ZZZ3: variants seen among roughly 807,000 people sequenced by gnomAD.
The protein encoded by ZZZ3 is zinc finger ZZ-type containing 3.
A neutral mutation model predicts 95.2 loss-of-function variants in ZZZ3; 22 were observed. The ratio of observed to expected loss-of-function variants is 0.23; its 90% confidence interval spans 0.17 to 0.33. The LOEUF (loss-of-function observed/expected upper bound fraction) is 0.33. ZZZ3 is among the 10% of genes least tolerant of loss of function. The pLI, the probability that ZZZ3 is intolerant of heterozygous loss-of-function variation, is 1.00. For synonymous variants in ZZZ3, 335 were observed against 358.9 expected (o/e 0.93, Z 0.75); for missense variants, 885 against 1,066.5 (o/e 0.83, Z 2.37).
intron 5 of ZZZ3, among the ~76,000 whole-genome samples, chr1:77,626,517 C>T (rs1305973427): frequency 6.6e-6 from 1 of 152,126 alleles, no homozygotes; most frequent in African/African-American, 2.4e-5. Context: ...CCCTCACATG[C>T]ATGGTTCACA....
intron 10 of ZZZ3, 114 bp downstream of exon 10, chr1:77,579,413 G>A: frequency 1.3e-6 from 1 of 756,942 alleles, no homozygotes; most frequent in Non-Finnish European, 2.2e-6. Flanking sequence ...ACATACTACA[G>A]CACTCTGTAG....
At chr1:77,674,328 T>C (rs1166114536) in intron 1 of ZZZ3, among the ~76,000 whole-genome samples, 1 of 152,040 alleles carries the variant, frequency 6.6e-6, no homozygotes, top group Non-Finnish European at 1.5e-5. Flanking sequence ...CTCACAAACA[T>C]AACATTGAGC....
chr1:77,624,633 C>G (rs971609785), intron 5 of ZZZ3, among the ~76,000 whole-genome samples: 1 of 152,150 alleles, frequency 6.6e-6, no homozygotes, highest in African/African-American at 2.4e-5. Flanking sequence ...CTTCATCTGA[C>G]TCTTCATTTG....
intron 1 of ZZZ3, among the ~76,000 whole-genome samples, chr1:77,671,745 T>C (rs371967088): frequency 6.6e-6 from 1 of 152,176 alleles, no homozygotes; most frequent in African/African-American, 2.4e-5. Flanking sequence ...CTATAAGAGT[T>C]TTTAAAATCA....
intron 1 of ZZZ3, among the ~76,000 whole-genome samples, chr1:77,651,187 C>T (rs1427266408): frequency 1.3e-5 from 2 of 152,020 alleles, no homozygotes; most frequent in East Asian, 3.9e-4. Context: ...AGTTCACGAC[C>T]AGCCTGGGCA....
At chr1:77,654,004 C>T (rs1043304039) in intron 1 of ZZZ3, among the ~76,000 whole-genome samples, 6 of 151,580 alleles carry the variant, frequency 4.0e-5, no homozygotes, top group African/African-American at 9.7e-5. Flanking sequence ...CTGGCTAACA[C>T]GGTGAAACCC....
Position 77,562,777 on chromosome 1 carries a change from A to G in ZZZ3, c.*2863T>C, listed in dbSNP as rs1206369915. On this transcript the variant is annotated 3_prime_UTR_variant, in exon 15 of 15. Transcript: ENST00000370801. ...GAAGCACACCACATCAGGAAAACAGAATGTAAGGCAACATCTGCACACCTC... is the reference window on the plus strand; with the variant it reads ...GAAGCACACCACATCAGGAAAACAGGATGTAAGGCAACATCTGCACACCTC... 6.6e-6 allele frequency: 1 copy of G among 152,354 alleles called. No homozygotes were observed. Among genetic ancestry groups the G allele is most frequent in the African/African-American group, 2.4e-5 (1 of 41,436 alleles). The allele number at this position is 152,354 out of a possible 1,614,324, so 9.4% of individuals were successfully genotyped here.
chr1:77,619,302 G>C (rs1666622504), intron 5 of ZZZ3, among the ~76,000 whole-genome samples: 1 of 151,998 alleles, frequency 6.6e-6, no homozygotes, highest in South Asian at 2.1e-4. Context: ...ACTATATGTA[G>C]GCTATCATTT....
chr1:77,632,189 C>G lies in ZZZ3; in HGVS notation c.1166G>C (p.Arg389Thr). ...RTSPRRAAPT[R>T]GSPTKNSSPY... is the part of the protein sequence containing the mutation. ...AGAACTGTTTTTAGTGGGACTACCT[C>G]TGGTAGGGGCTGCCCTTCGTGGTGA... The change falls in exon 5 of 15, where the codon AGA (arginine) becomes ACA (threonine). Residue 389 changes from arginine (R) to threonine (T), a missense_variant. Coordinates refer to ENST00000370801, the MANE Select transcript of ZZZ3 (RefSeq NM_015534.6). The G allele has an allele frequency of 6.2e-7, 1 of 1,614,010 alleles. No individual in the cohort carries two copies. Among genetic ancestry groups the G allele is most frequent in the Admixed American group, 1.7e-5 (1 of 60,002 alleles).
intron 5 of ZZZ3, among the ~76,000 whole-genome samples, chr1:77,619,723 G>A (rs979969382): frequency 4.0e-5 from 6 of 151,838 alleles, no homozygotes; most frequent in Non-Finnish European, 5.9e-5. Context: ...TAACAAACTC[G>A]GACAACTCAT....
chr1:77,617,453 C>A (rs1447813604), intron 5 of ZZZ3, among the ~76,000 whole-genome samples: 1 of 152,110 alleles, frequency 6.6e-6, no homozygotes, highest in Admixed American at 6.5e-5. Context: ...CATATTGCAG[C>A]TTCATTCCTT....
intron 4 of ZZZ3, among the ~76,000 whole-genome samples, chr1:77,633,667 C>G (rs1216955304): frequency 6.6e-6 from 1 of 152,136 alleles, no homozygotes; most frequent in Non-Finnish European, 1.5e-5. Flanking sequence ...TCACTTAAGT[C>G]TCACAACAAC....
rs560577295 is a variant in ZZZ3 at position 77,596,284 on chromosome 1, C to T, written c.1506-11629G>A. 5.3e-5 allele frequency among the ~76,000 whole-genome samples: 8 copies of T among 152,158 alleles called. No homozygotes were observed. In the East Asian group the frequency reaches 1.5e-3, roughly 29 times the overall value. On this transcript the variant is annotated intron_variant, in intron 5 of 14. Coordinates refer to ENST00000370801, the MANE Select transcript of ZZZ3 (RefSeq NM_015534.6). ...AAAAGGCTACATATACTTTATGATT[C>T]TCATTATATGACAATTCATAAAAGG...
intron 12 of ZZZ3, among the ~76,000 whole-genome samples, chr1:77,571,614 T>A: frequency 6.6e-6 from 1 of 152,240 alleles, no homozygotes; most frequent in South Asian, 2.1e-4. Context: ...AGGAAAGAAA[T>A]TGTGATACAT....
chr1:77,643,733 C>T (rs577287242), intron 1 of ZZZ3, among the ~76,000 whole-genome samples: 2 of 152,170 alleles, frequency 1.3e-5, no homozygotes, highest in South Asian at 2.1e-4. Context: ...CAAAAGACTA[C>T]GTAAATCTCA....
Position 77,639,514 on chromosome 1 carries a change from G to T in ZZZ3, c.-117C>A, listed in dbSNP as rs1053670444. On this transcript the variant is annotated 5_prime_UTR_variant, in exon 4 of 15. Transcript: ENST00000370801. ...TTTTCCTTATATCCTGAAGGAGTTG[G>T]AGCTATGATCTAGAATGGAGCTTAA... 6.9e-7 allele frequency: 1 copy of T among 1,458,664 alleles called. No homozygotes were observed. The highest frequency in any genetic ancestry group is 9.1e-7 in the Non-Finnish European group (1 of 1,096,464). The allele number at this position is 1,458,664 out of a possible 1,614,324, so 90.4% of individuals were successfully genotyped here.
intron 5 of ZZZ3, among the ~76,000 whole-genome samples, chr1:77,603,224 G>A (rs562802665): frequency 1.3e-5 from 2 of 152,056 alleles, no homozygotes; most frequent in African/African-American, 4.8e-5. Context: ...GACTACAGGC[G>A]CAAGCCACAA....
chr1:77,617,919 T>C (rs1666472918), intron 5 of ZZZ3, among the ~76,000 whole-genome samples: 1 of 152,112 alleles, frequency 6.6e-6, no homozygotes, highest in Non-Finnish European at 1.5e-5. Flanking sequence ...CACTCCAGCC[T>C]AGGTGACAGA....
chr1:77,611,232 C>CAAAAA (rs142588523), intron 5 of ZZZ3, among the ~76,000 whole-genome samples: 5 of 57,254 alleles, frequency 8.7e-5, no homozygotes, highest in Non-Finnish European at 1.7e-4. Context: ...AAATACCTAC[C>CAAAAA]AAAAAAAAAA....
Sources: allele counts gnomAD v4.1 joint callset (sites outside exome capture counted in the v4.1 genomes callset), GRCh38; gene constraint gnomAD v4.1.1; transcripts MANE v1.5; gene names NCBI Gene and HGNC (gene_info 2026-07-23, HGNC 2026-07-21).